L3MBTL4: variants seen among roughly 807,000 people sequenced by gnomAD.
L3MBTL4 encodes the protein lethal(3)malignant brain tumor-like protein 4.
L3MBTL4 carries 70 observed loss-of-function variants against 84.5 expected under a neutral mutation model. The ratio of observed to expected loss-of-function variants is 0.83; its 90% CI spans 0.68 to 1.01. The LOEUF is 1.01. Ranked by LOEUF, L3MBTL4 falls within the 50% of genes least tolerant of loss-of-function variation. The pLI is 0.00. For missense variants in L3MBTL4, 715 were observed against 754.8 expected (o/e 0.95, Z 0.62); for synonymous variants, 274 against 259.8 (o/e 1.05, Z -0.52).
At position 6,028,897 on chromosome 18, in the gene L3MBTL4, C is replaced by T. The variant is rs369243080; in HGVS notation, c.1444+51984G>A. Reference sequence around the variant, plus strand: ...TATAGAAGAAAGAAAAGAATTAATTCGGTTCCCCACAAGATTATCAGTTTT... The same window carrying T: ...TATAGAAGAAAGAAAAGAATTAATTTGGTTCCCCACAAGATTATCAGTTTT... On this transcript the variant is annotated intron_variant, in intron 16 of 18. Transcript: ENST00000317931. 4.6e-5 allele frequency among the ~76,000 whole-genome samples: 7 copies of T among 152,228 alleles called. No individual in the cohort carries two copies. In the East Asian group the frequency reaches 5.8e-4, roughly 13 times the overall value.
At chr18:6,158,467 T>G (rs1281930272) in intron 13 of L3MBTL4, among the ~76,000 whole-genome samples, 1 of 152,086 alleles carries the variant, frequency 6.6e-6, no homozygotes, top group African/African-American at 2.4e-5. Flanking sequence ...AAAGAGTTTG[T>G]GTTCACCAAT....
chr18:6,004,144 A>C (rs1349617013), intron 16 of L3MBTL4, among the ~76,000 whole-genome samples: 1 of 152,290 alleles, frequency 6.6e-6, no homozygotes, highest in East Asian at 1.9e-4. Flanking sequence ...AGATTGACTA[A>C]GAAAAAAAAC....
chr18:6,333,967 C>A (rs2143257963), intron 1 of L3MBTL4, among the ~76,000 whole-genome samples: 1 of 152,224 alleles, frequency 6.6e-6, no homozygotes, highest in South Asian at 2.1e-4. Flanking sequence ...TATGAGGTAG[C>A]CAGATATTAA....
At chr18:6,054,510 T>G (rs1257641428) in intron 16 of L3MBTL4, among the ~76,000 whole-genome samples, 1 of 152,196 alleles carries the variant, frequency 6.6e-6, no homozygotes, top group Non-Finnish European at 1.5e-5. Context: ...GCAAACATCC[T>G]TCTTTTCCTC....
intron 4 of L3MBTL4, among the ~76,000 whole-genome samples, chr18:6,274,649 C>A (rs1266897732): frequency 6.6e-6 from 1 of 152,088 alleles, no homozygotes; most frequent in African/African-American, 2.4e-5. Flanking sequence ...CTCTTCCCTG[C>A]CTATTGTTTT....
chr18:5,981,077 C>G (rs1330239172), intron 16 of L3MBTL4, among the ~76,000 whole-genome samples: 1 of 152,186 alleles, frequency 6.6e-6, no homozygotes, highest in Non-Finnish European at 1.5e-5. Context: ...TCTCTGTTCA[C>G]ACAAATCAAA....
At chr18:6,125,475 C>CTGGA (rs1465534725) in intron 14 of L3MBTL4, among the ~76,000 whole-genome samples, 3 of 152,142 alleles carry the variant, frequency 2.0e-5, no homozygotes, top group African/African-American at 7.2e-5. Flanking sequence ...GTCACCCAGG[C>CTGGA]TGGAGTGTAG....
chr18:5,956,102 A>C lies in L3MBTL4; in HGVS notation c.*118T>G. 1.1e-6 allele frequency: 1 copy of C among 873,672 alleles called. No homozygotes were observed. The highest frequency in any genetic ancestry group is 1.6e-5 in the South Asian group (1 of 60,802). The allele number at this position is 873,672 out of a possible 1,614,324, so 54.1% of individuals were successfully genotyped here. ...ATGTAAACAAATCACAGACACTTTA[A>C]AAAGTCCAGATTCAGTGTGGATACG... On this transcript the variant is annotated 3_prime_UTR_variant, in exon 19 of 19. Coordinates refer to ENST00000317931, the MANE Select transcript of L3MBTL4 (RefSeq NM_001330559.2).
At chr18:6,295,611 G>A (rs1399599621) in intron 4 of L3MBTL4, among the ~76,000 whole-genome samples, 1 of 151,946 alleles carries the variant, frequency 6.6e-6, no homozygotes, top group Non-Finnish European at 1.5e-5. Flanking sequence ...GAAATTATTT[G>A]AACATACTGA....
chr18:6,195,695 G>C (rs2045344921), intron 12 of L3MBTL4, among the ~76,000 whole-genome samples: 1 of 152,140 alleles, frequency 6.6e-6, no homozygotes, highest in African/African-American at 2.4e-5. Flanking sequence ...TTGTGGCTGA[G>C]CGGAAAACAT....
intron 3 of L3MBTL4, among the ~76,000 whole-genome samples, chr18:6,302,273 G>A (rs1055070227): frequency 6.6e-6 from 1 of 152,224 alleles, no homozygotes; most frequent in Admixed American, 6.5e-5. Flanking sequence ...TCGCACAGGA[G>A]TGGCTGACAG....
intron 13 of L3MBTL4, among the ~76,000 whole-genome samples, chr18:6,151,583 C>T (rs527649982): frequency 2.0e-5 from 3 of 152,068 alleles, no homozygotes; most frequent in Non-Finnish European, 2.9e-5. Context: ...TTAGTAGAGA[C>T]GGGGTTTCAC....
intron 16 of L3MBTL4, among the ~76,000 whole-genome samples, chr18:6,078,886 A>G (rs966186384): frequency 9.2e-5 from 14 of 152,164 alleles, no homozygotes; most frequent in African/African-American, 3.4e-4. Flanking sequence ...TCTGGGGGTG[A>G]TGGGAGACAG....
At chr18:5,964,217 T>C (rs1018617781) in intron 17 of L3MBTL4, among the ~76,000 whole-genome samples, 5 of 152,216 alleles carry the variant, frequency 3.3e-5, no homozygotes, top group African/African-American at 4.8e-5. Context: ...ATTCTAAGTA[T>C]GAGACAGCAG....
Position 5,994,378 on chromosome 18 carries a change from T to G in L3MBTL4, c.1445-24816A>C, listed in dbSNP as rs368010102. 1.5e-4 allele frequency among the ~76,000 whole-genome samples: 23 copies of G among 152,308 alleles called. No homozygotes were observed. The East Asian group carries it at 1.7e-3, about 11-fold the overall frequency. ...CTCAAAAAAGACCTTCTTTGATATCTCTCAGACACCTTAGAAAATATTTCC... is the reference window on the plus strand; with the variant it reads ...CTCAAAAAAGACCTTCTTTGATATCGCTCAGACACCTTAGAAAATATTTCC... On this transcript the variant is annotated intron_variant, in intron 16 of 18. Coordinates refer to ENST00000317931, the MANE Select transcript of L3MBTL4 (RefSeq NM_001330559.2).
At chr18:6,145,726 T>C (rs1467555244) in intron 13 of L3MBTL4, among the ~76,000 whole-genome samples, 1 of 152,234 alleles carries the variant, frequency 6.6e-6, no homozygotes, top group Non-Finnish European at 1.5e-5. Context: ...TTTTTTCTTA[T>C]TTTTAACATA....
At position 5,969,292 on chromosome 18, in the gene L3MBTL4, G is replaced by C. The variant is rs545057815; in HGVS notation, c.1614+101C>G. 24 of 1,306,392 alleles carry C rather than the reference G, an allele frequency of 1.8e-5. No individual in the cohort carries two copies. In the African/African-American group the frequency reaches 3.5e-4, roughly 19 times the overall value. The allele number at this position is 1,306,392 out of a possible 1,614,324, so 80.9% of individuals were successfully genotyped here. ...GCAGATGCGATGCCTAAGAGAAAAAGGGCGCTGTCCCAGACATCAAAGAAT... is the reference window on the plus strand; with the variant it reads ...GCAGATGCGATGCCTAAGAGAAAAACGGCGCTGTCCCAGACATCAAAGAAT... On this transcript the variant is annotated intron_variant, in intron 17 of 18. Coordinates refer to ENST00000317931, the MANE Select transcript of L3MBTL4 (RefSeq NM_001330559.2).
intron 1 of L3MBTL4, among the ~76,000 whole-genome samples, chr18:6,373,446 C>T (rs189186757): frequency 6.6e-6 from 1 of 152,316 alleles, no homozygotes; most frequent in Admixed American, 6.5e-5. Flanking sequence ...ATTGACTCCT[C>T]TCTAGCTGAT....
intron 13 of L3MBTL4, among the ~76,000 whole-genome samples, chr18:6,162,703 T>C (rs1013207512): frequency 1.1e-4 from 16 of 152,214 alleles, no homozygotes; most frequent in African/African-American, 3.1e-4. Context: ...GGGTGGTACA[T>C]GTGACTCCTC....
Sources: allele counts gnomAD v4.1 joint callset (sites outside exome capture counted in the v4.1 genomes callset), GRCh38; gene constraint gnomAD v4.1.1; transcripts MANE v1.5; gene names NCBI Gene and HGNC (gene_info 2026-07-23, HGNC 2026-07-21).